TENM3: variants seen among roughly 807,000 people sequenced by gnomAD.
TENM3 encodes the protein teneurin transmembrane protein 3.
Under a neutral mutation model 255.1 loss-of-function variants are expected in TENM3, and 63 were observed. The ratio of observed to expected loss-of-function variants is 0.25; its 90% CI spans 0.20 to 0.30. The LOEUF (loss-of-function observed/expected upper bound fraction) is 0.30. Ranked by LOEUF, TENM3 falls within the 10% of genes least tolerant of loss-of-function variation. The probability of loss-of-function intolerance (pLI) is 1.00; values close to 1 mark genes in which losing one functional copy is unlikely to be tolerated. For synonymous variants in TENM3, 1,306 were observed against 1,322.3 expected (o/e 0.99, Z 0.27); for missense variants, 2,929 against 3,461.1 (o/e 0.85, Z 3.86).
chr4:181,825,422 A>AGC, the TENM3 span, among the ~76,000 whole-genome samples: 9 of 149,188 alleles, frequency 6.0e-5, no homozygotes, highest in Non-Finnish European at 3.0e-5. Flanking sequence ...AAAAAAAAAA[A>AGC]AAAACAGAGA....
intron 1 of TENM3, among the ~76,000 whole-genome samples, chr4:182,253,028 G>GAAAGGAGAAAGA (rs2150124706): frequency 6.6e-6 from 1 of 152,312 alleles, no homozygotes; most frequent in South Asian, 2.1e-4. Context: ...AACTACCTCT[G>GAAAGGAGAAAGA]AAAGGAGAAA....
intron 1 of TENM3, among the ~76,000 whole-genome samples, chr4:182,214,512 G>GTATTTATT (rs56013840): frequency 0.055 from 8,025 of 147,210 alleles, 545 homozygotes; most frequent in African/African-American, 0.16. Context: ...TCTATTTATT[G>GTATTTATT]TATTTATTTA....
chr4:182,408,287 CA>C (rs1769729419), intron 3 of TENM3, among the ~76,000 whole-genome samples: 1 of 152,154 alleles, frequency 6.6e-6, no homozygotes, highest in Non-Finnish European at 1.5e-5. Context: ...ATTTATCAAC[CA>C]TTCCTCCCAG....
the TENM3 span, among the ~76,000 whole-genome samples, chr4:181,789,463 G>T: frequency 6.6e-6 from 1 of 151,538 alleles, no homozygotes; most frequent in South Asian, 2.1e-4. Context: ...TGCCATGTTG[G>T]CCAGGCTGGT....
At chr4:181,592,467 C>T in the TENM3 span, among the ~76,000 whole-genome samples, 4 of 151,536 alleles carry the variant, frequency 2.6e-5, no homozygotes, top group South Asian at 2.1e-4. Flanking sequence ...GGACCGGTCG[C>T]GAAGCCCATG....
intron 3 of TENM3, among the ~76,000 whole-genome samples, chr4:182,370,877 A>G (rs953217525): frequency 6.6e-6 from 1 of 152,136 alleles, no homozygotes; most frequent in African/African-American, 2.4e-5. Context: ...ACCTTGAGAG[A>G]CATTAGTTTT....
the TENM3 span, among the ~76,000 whole-genome samples, chr4:181,555,255 C>G: frequency 1.3e-5 from 2 of 152,136 alleles, no homozygotes; most frequent in Non-Finnish European, 2.9e-5. Flanking sequence ...TATAGAGGTT[C>G]GCAGACTGGT....
intron 1 of TENM3, among the ~76,000 whole-genome samples, chr4:182,289,117 C>A (rs1760940027): frequency 6.6e-6 from 1 of 152,172 alleles, no homozygotes; most frequent in Non-Finnish European, 1.5e-5. Context: ...GTAGTCCCAG[C>A]TACTCTGGAG....
the TENM3 span, among the ~76,000 whole-genome samples, chr4:181,983,910 G>A: frequency 2.8e-4 from 42 of 152,062 alleles, no homozygotes; most frequent in Non-Finnish European, 4.1e-4. Context: ...AAACCTGATC[G>A]GATGCCTCCT....
intron 13 of TENM3, among the ~76,000 whole-genome samples, chr4:182,728,713 A>C (rs1458544313): frequency 2.0e-5 from 3 of 152,194 alleles, no homozygotes; most frequent in Admixed American, 2.0e-4. Context: ...AACCTAGAAA[A>C]GGTACCGTAA....
chr4:181,717,265 A>C, the TENM3 span, among the ~76,000 whole-genome samples: 1 of 152,216 alleles, frequency 6.6e-6, no homozygotes, highest in African/African-American at 2.4e-5. Flanking sequence ...CCCATGTAAT[A>C]GGAGTTCTGT....
intron 3 of TENM3, among the ~76,000 whole-genome samples, chr4:182,541,006 C>A (rs1353368850): frequency 6.6e-6 from 1 of 152,160 alleles, no homozygotes; most frequent in Admixed American, 6.5e-5. Flanking sequence ...CAGTTTTAAA[C>A]ACTTTCATTA....
the TENM3 span, among the ~76,000 whole-genome samples, chr4:181,911,741 T>A: frequency 6.6e-6 from 1 of 152,166 alleles, no homozygotes; most frequent in African/African-American, 2.4e-5. Flanking sequence ...TGAACAGGGA[T>A]GATTTACAGG....
At chr4:181,571,030 C>T in the TENM3 span, among the ~76,000 whole-genome samples, 1 of 152,032 alleles carries the variant, frequency 6.6e-6, no homozygotes, top group Non-Finnish European at 1.5e-5. Context: ...TAGGAATGGA[C>T]CTACATTTGT....
the TENM3 span, among the ~76,000 whole-genome samples, chr4:181,673,852 G>GTA: frequency 0.2 from 23,130 of 114,678 alleles, 1,895 homozygotes; most frequent in African/African-American, 0.27. Context: ...TGTGGTGTGT[G>GTA]TGTGTGTGTG....
chr4:181,668,114 G>A, the TENM3 span, among the ~76,000 whole-genome samples: 1 of 152,142 alleles, frequency 6.6e-6, no homozygotes, highest in South Asian at 2.1e-4. Flanking sequence ...AACAGTGCCT[G>A]GCATAGAGTA....
chr4:181,541,286 G>T, the TENM3 span, among the ~76,000 whole-genome samples: 1 of 152,156 alleles, frequency 6.6e-6, no homozygotes, highest in African/African-American at 2.4e-5. Context: ...GGGAGGCTGA[G>T]GTGGGAGGAC....
chr4:182,379,480 A>G (rs1393663741), intron 3 of TENM3, among the ~76,000 whole-genome samples: 2 of 152,214 alleles, frequency 1.3e-5, no homozygotes, highest in South Asian at 2.1e-4. Context: ...ATAGTGTGTT[A>G]CTAGAAAATT....
chr4:182,026,859 T>C, the TENM3 span, among the ~76,000 whole-genome samples: 12 of 152,208 alleles, frequency 7.9e-5, no homozygotes, highest in Admixed American at 5.2e-4. Context: ...TTTTGGTTAC[T>C]ATAACTCTGC....
Sources: gnomAD v4.1 joint callset for allele counts (sites outside exome capture counted in the v4.1 genomes callset) on GRCh38, gnomAD v4.1.1 for gene constraint, MANE v1.5 for transcripts, NCBI Gene and HGNC (gene_info 2026-07-23, HGNC 2026-07-21) for gene names.